Variants in TANC1 observed in about 807,000 individuals in gnomAD.
TANC1 encodes tetratricopeptide repeat, ankyrin repeat and coiled-coil containing 1.
A neutral mutation model predicts 149.7 loss-of-function variants in TANC1; 77 were observed. That is an observed-to-expected ratio of 0.51 (90% CI 0.43 to 0.62). The LOEUF (loss-of-function observed/expected upper bound fraction) is 0.62. TANC1 is among the 20% of genes least tolerant of loss of function. The pLI is 0.00. For synonymous variants in TANC1, 854 were observed against 925.0 expected, an observed-to-expected ratio of 0.92 and a Z score of 1.39; for missense variants, 1,985 against 2,321.8, an observed-to-expected ratio of 0.85 and a Z score of 2.98.
intron 3 of TANC1, among the ~76,000 whole-genome samples, chr2:159,082,845 T>C (rs2044419544): frequency 6.6e-6 from 1 of 152,222 alleles, no homozygotes; most frequent in African/African-American, 2.4e-5. Flanking sequence ...AGTGCAGTGA[T>C]TCCTAAACCT....
intron 5 of TANC1, among the ~76,000 whole-genome samples, chr2:159,145,776 T>C (rs1486630897): frequency 6.6e-6 from 1 of 152,216 alleles, no homozygotes; most frequent in East Asian, 1.9e-4. Context: ...GTTCCATGAA[T>C]GTGCTGCTGG....
chr2:159,087,958 A>T (rs1446210116), intron 3 of TANC1, among the ~76,000 whole-genome samples: 3 of 150,902 alleles, frequency 2.0e-5, no homozygotes, highest in Non-Finnish European at 2.9e-5. Context: ...ATGAATCTAT[A>T]ATCCAAGGAA....
Position 159,194,433 on chromosome 2 carries a change from T to A in TANC1, c.2919T>A (p.Cys973Ter). 1 of 1,614,288 alleles carries A rather than the reference T, an allele frequency of 6.2e-7. No individual in the cohort carries two copies. The highest frequency in any genetic ancestry group is 8.5e-7 in the Non-Finnish European group (1 of 1,180,048). ...CAGAGAACGGCATGACTGCCCTCTG[T>A]TACGCAGCAGCTGCTGGCCACATGA... is the stretch of plus-strand genomic sequence containing the variant. ...GTSENGMTALCYAAAAGHMKL... is the reference protein window; with the variant it reads ...GTSENGMTAL The change falls in exon 17 of 27, where the codon TGT (cysteine) becomes TGA (stop). Residue 973 changes from cysteine (C) to a stop codon, truncating the protein, a stop_gained. Transcript: ENST00000263635. LOFTEE classifies it high-confidence loss of function.
chr2:159,111,703 C>T (rs1418923162), intron 4 of TANC1, among the ~76,000 whole-genome samples: 1 of 152,172 alleles, frequency 6.6e-6, no homozygotes, highest in Admixed American at 6.5e-5. Flanking sequence ...CTGCCTCCTC[C>T]TCTTAGAGTG....
intron 2 of TANC1, among the ~76,000 whole-genome samples, chr2:159,028,549 A>G (rs2039534824): frequency 6.6e-6 from 1 of 152,380 alleles, no homozygotes. Context: ...TTGTGGTTAC[A>G]AAACAAAACA....
At chr2:159,187,086 C>G in intron 16 of TANC1, 62 bp downstream of exon 16, 3 of 1,590,702 alleles carry the variant, frequency 1.9e-6, no homozygotes, top group South Asian at 1.1e-5. Context: ...GGCCGTTCCT[C>G]CAACAGCCCT....
In TANC1 at chr2:159,128,115, T is replaced by G. The variant is rs544379086; in HGVS notation, c.260-8079T>G. 2.6e-5 allele frequency among the ~76,000 whole-genome samples: 4 copies of G among 152,372 alleles called. No homozygotes were observed. In the South Asian group the frequency reaches 8.3e-4, roughly 32 times the overall value. ...CACACTTTTTTGTCTTCTGTTTTTT[T>G]CTTCCCTAGAATTGCAGTCTGAATT... On this transcript the variant is annotated intron_variant, in intron 4 of 26. Transcript: ENST00000263635.
chr2:159,150,848 C>T (rs2052717689), intron 7 of TANC1: 2 of 299,586 alleles, frequency 6.7e-6, no homozygotes. Flanking sequence ...CTTCTATATT[C>T]AGTTCCATTT....
At chr2:159,024,118 T>C (rs2039059619) in intron 2 of TANC1, among the ~76,000 whole-genome samples, 3 of 152,236 alleles carry the variant, frequency 2.0e-5, no homozygotes, top group Non-Finnish European at 4.4e-5. Context: ...AGCAGTTTAT[T>C]TATTTTTTAT....
chr2:159,018,293 C>T (rs901529744), intron 2 of TANC1, among the ~76,000 whole-genome samples: 11 of 152,192 alleles, frequency 7.2e-5, no homozygotes, highest in Admixed American at 2.0e-4. Flanking sequence ...GCCCACTGTT[C>T]TGCTGCACAG....
rs148145439 is a variant in TANC1, at chr2:159,009,625, T to C, written c.-16+8436T>C. Among the ~76,000 whole-genome samples the C allele has an allele frequency of 4.5e-3, 690 of 151,804 alleles. 5 individuals are homozygous for C. The highest frequency in any genetic ancestry group is 0.016 in the African/African-American group (644 of 41,402). On this transcript the variant is annotated intron_variant, in intron 2 of 26. Transcript: ENST00000263635. ...GAGGAGGGATGGAGCTAGCTAGAGG[T>C]TGGTTAACAGATACAAAATCACAGC...
intron 19 of TANC1, among the ~76,000 whole-genome samples, chr2:159,210,982 T>G (rs2058947955): frequency 6.6e-6 from 1 of 152,058 alleles, no homozygotes. Flanking sequence ...AGCGATTCTC[T>G]TGCTCAGCCT....
At chr2:159,143,075 AAAAC>A (rs529745591) in intron 5 of TANC1, among the ~76,000 whole-genome samples, 1 of 98,894 alleles carries the variant, frequency 1.0e-5, no homozygotes, top group African/African-American at 3.3e-5. Flanking sequence ...AAAAAAAAAA[AAAAC>A]AACAAAACAA....
chr2:159,150,133 C>A, intron 6 of TANC1: 1 of 405,826 alleles, frequency 2.5e-6, no homozygotes, highest in Non-Finnish European at 4.4e-6. Context: ...AAAGGAAAAT[C>A]ACAAAGGAGG....
chr2:159,230,102 A>G lies in TANC1; in HGVS notation c.4676A>G (p.Gln1559Arg), dbSNP rs2060259130. The change falls in exon 27 of 27, where the codon CAG becomes CGG. Residue 1559 changes from glutamine to arginine, a missense_variant. By Grantham distance (43) the Gln-to-Arg change is conservative. Transcript: ENST00000263635. This position sits in a 1 kb window ranked among gnomAD's most constrained non-coding sequence, Gnocchi z 4.4. Reference sequence around the variant, plus strand: ...AGTATGAAAGTTCAGATCTCTTCTCAGAACCCTCCTCCAAGTCCCATGCCA... The same window carrying G: ...AGTATGAAAGTTCAGATCTCTTCTCGGAACCCTCCTCCAAGTCCCATGCCA... ...NGSMKVQISS[Q>R]NPPPSPMPGR... 1 of 1,613,988 alleles carries G rather than the reference A, an allele frequency of 6.2e-7. No homozygotes were observed. The highest frequency in any genetic ancestry group is 8.5e-7 in the Non-Finnish European group (1 of 1,180,044).
In TANC1 at chr2:159,020,600, T is replaced by C. The variant is rs117871300; in HGVS notation, c.-16+19411T>C. Among the ~76,000 whole-genome samples the C allele has an allele frequency of 1.6e-3, 240 of 152,368 alleles. 6 individuals carry two copies. In the East Asian group the frequency reaches 0.036, roughly 23 times the overall value. On this transcript the variant is annotated intron_variant, in intron 2 of 26. Coordinates refer to ENST00000263635, the MANE Select transcript of TANC1 (RefSeq NM_033394.3). ...TAGCCACTGTGTGAAGAGTTTTACA[T>C]GCCTTATTTTTTTAGTGTGAAGTCA...
At chr2:159,089,889 C>T (rs551486970) in intron 3 of TANC1, among the ~76,000 whole-genome samples, 6 of 152,330 alleles carry the variant, frequency 3.9e-5, no homozygotes, top group African/African-American at 7.2e-5. Context: ...CATGTCACTT[C>T]GAGCACATGC....
At chr2:159,180,075 C>T (rs1430280395) in intron 14 of TANC1, among the ~76,000 whole-genome samples, 1 of 152,134 alleles carries the variant, frequency 6.6e-6, no homozygotes, top group Non-Finnish European at 1.5e-5. Context: ...ATTGGTGAGC[C>T]CTGGGAGCCT....
At chr2:159,216,389 C>G (rs1480988349) in intron 19 of TANC1, among the ~76,000 whole-genome samples, 1 of 152,188 alleles carries the variant, frequency 6.6e-6, no homozygotes, top group East Asian at 1.9e-4. Flanking sequence ...GTGCTGTGCT[C>G]CATCTCCTTC....
Sources: gnomAD v4.1 joint callset for allele counts (sites outside exome capture counted in the v4.1 genomes callset) on GRCh38, gnomAD v4.1.1 for gene constraint, Gnocchi (gnomAD v3.1) non-coding constraint, MANE v1.5 for transcripts, NCBI Gene and HGNC (gene_info 2026-07-23, HGNC 2026-07-21) for gene names.